Variants in DOCK7 observed in about 807,000 individuals in gnomAD.
DOCK7 encodes dedicator of cytokinesis 7.
Under a neutral mutation model 271.0 loss-of-function variants are expected in DOCK7, and 138 were observed. The ratio of observed to expected loss-of-function variants is 0.51; its 90% CI spans 0.44 to 0.59. The LOEUF is 0.59. DOCK7 is among the 20% of genes least tolerant of loss of function. The pLI, the probability that DOCK7 is intolerant of heterozygous loss-of-function variation, is 0.00. For synonymous variants in DOCK7, 823 were observed against 876.1 expected, an observed-to-expected ratio of 0.94 and a Z score of 1.07; for missense variants, 2,066 against 2,592.4, an observed-to-expected ratio of 0.80 and a Z score of 4.41.
chr1:62,579,391 T>TA (rs1369706543), intron 16 of DOCK7, among the ~76,000 whole-genome samples: 4 of 151,896 alleles, frequency 2.6e-5, no homozygotes, highest in Non-Finnish European at 5.9e-5. Context: ...CATCCTTTTG[T>TA]AAAAAAATGG....
chr1:62,616,841 T>TA (rs1004301868), intron 14 of DOCK7, among the ~76,000 whole-genome samples: 5 of 151,528 alleles, frequency 3.3e-5, no homozygotes, highest in African/African-American at 1.2e-4. Flanking sequence ...TAGCAATCAG[T>TA]ATAATATTGG....
At chr1:62,552,592 G>T in intron 22 of DOCK7, 140 bp downstream of exon 22, 1 of 790,664 alleles carries the variant, frequency 1.3e-6, no homozygotes, top group Non-Finnish European at 1.8e-6. Context: ...AGTGTTTACT[G>T]ATAGAACAGA....
chr1:62,492,190 A>G (rs1646486744), intron 41 of DOCK7: 1 of 152,572 alleles, frequency 6.6e-6, no homozygotes, highest in Non-Finnish European at 1.5e-5. Flanking sequence ...CACTGGGGGA[A>G]GTGACAGATT....
chr1:62,512,241 T>C (rs1035797972), intron 33 of DOCK7, among the ~76,000 whole-genome samples: 14 of 152,210 alleles, frequency 9.2e-5, no homozygotes, highest in African/African-American at 3.1e-4. Flanking sequence ...AAATAAATAT[T>C]GTGCTGTTGG....
intron 1 of DOCK7, chr1:62,687,619 C>A (rs889590690): frequency 4.6e-5 from 7 of 152,400 alleles, no homozygotes; most frequent in African/African-American, 1.7e-4. Flanking sequence ...ATTCTGTCCA[C>A]ACGTTTTCAA....
intron 2 of DOCK7, among the ~76,000 whole-genome samples, chr1:62,655,410 CT>C (rs1216369415): frequency 7.1e-6 from 1 of 140,936 alleles, no homozygotes; most frequent in African/African-American, 2.5e-5. Flanking sequence ...TTGGACTGAA[CT>C]TTTTTTTTCT....
At chr1:62,554,393 A>G (rs1571523351) in intron 21 of DOCK7, among the ~76,000 whole-genome samples, 1 of 140,632 alleles carries the variant, frequency 7.1e-6, no homozygotes. Context: ...AATGGCGTGA[A>G]CCCGGGAAGC....
intron 36 of DOCK7, among the ~76,000 whole-genome samples, chr1:62,505,307 T>G (rs1646907629): frequency 6.6e-6 from 1 of 152,080 alleles, no homozygotes; most frequent in South Asian, 2.1e-4. Context: ...ATAATTTCAG[T>G]GGGTTGAATT....
chr1:62,630,873 A>G (rs575002597), intron 11 of DOCK7, among the ~76,000 whole-genome samples: 1 of 152,258 alleles, frequency 6.6e-6, no homozygotes, highest in South Asian at 2.1e-4. Context: ...CAGAGTCTAC[A>G]AATGAAACAA....
chr1:62,496,902 G>A (rs1240630923), intron 37 of DOCK7, among the ~76,000 whole-genome samples: 1 of 152,098 alleles, frequency 6.6e-6, no homozygotes, highest in Non-Finnish European at 1.5e-5. Flanking sequence ...TATGATGAAA[G>A]TAATTTAACA....
At chr1:62,567,876 C>T (rs1160957248) in intron 18 of DOCK7, among the ~76,000 whole-genome samples, 1 of 151,538 alleles carries the variant, frequency 6.6e-6, no homozygotes, top group Non-Finnish European at 1.5e-5. Flanking sequence ...TTAAAAATAA[C>T]AGTTCTCTTC....
At chr1:62,681,543 A>C (rs1233596106) in intron 1 of DOCK7, among the ~76,000 whole-genome samples, 1 of 23,932 alleles carries the variant, frequency 4.2e-5, no homozygotes, top group Non-Finnish European at 1.3e-4. Flanking sequence ...ATAAAAAATA[A>C]AAAAAATAAA....
intron 1 of DOCK7, among the ~76,000 whole-genome samples, chr1:62,679,941 T>C (rs1571999942): frequency 6.6e-6 from 1 of 152,024 alleles, no homozygotes; most frequent in Non-Finnish European, 1.5e-5. Context: ...AGAATCAATA[T>C]CGTGAAAATG....
intron 49 of DOCK7, 24 bp from the exon 50 acceptor site, chr1:62,455,480 A>T: frequency 1.2e-6 from 2 of 1,608,456 alleles, no homozygotes; most frequent in Non-Finnish European, 1.7e-6. Context: ...GAGAGGACAT[A>T]GTTAGTTAAA....
intron 1 of DOCK7, among the ~76,000 whole-genome samples, chr1:62,679,953 C>T (rs1048706883): frequency 2.0e-4 from 30 of 152,234 alleles, no homozygotes; most frequent in East Asian, 9.6e-4. Context: ...GTGAAAATGG[C>T]CATACTGCCC....
At chr1:62,670,175 C>A (rs1168128) in intron 1 of DOCK7, among the ~76,000 whole-genome samples, 6 of 152,252 alleles carry the variant, frequency 3.9e-5, no homozygotes, top group South Asian at 2.1e-4. Context: ...CCTCTCACCC[C>A]CTCCGTGGGC....
At chr1:62,473,218 A>G (rs1374047804) in intron 48 of DOCK7, among the ~76,000 whole-genome samples, 2 of 152,148 alleles carry the variant, frequency 1.3e-5, no homozygotes, top group South Asian at 2.1e-4. Flanking sequence ...TACTTTATAG[A>G]TTAGAAAATG....
At chr1:62,510,416 TA>T (rs1644449344) in intron 34 of DOCK7, among the ~76,000 whole-genome samples, 160 bp downstream of exon 34, 1 of 152,316 alleles carries the variant, frequency 6.6e-6, no homozygotes, top group South Asian at 2.1e-4. Context: ...CAAATCTTTT[TA>T]AATCTAAAAT....
intron 14 of DOCK7, chr1:62,598,714 G>C (rs369750417): frequency 1.5e-5 from 24 of 1,608,698 alleles, no homozygotes; most frequent in Non-Finnish European, 2.0e-5. Context: ...AGAAAAACAA[G>C]ATAATAGCAT....
Sources: allele counts gnomAD v4.1 joint callset (sites outside exome capture counted in the v4.1 genomes callset), GRCh38; gene constraint gnomAD v4.1.1; transcripts MANE v1.5; gene names NCBI Gene and HGNC (gene_info 2026-07-23, HGNC 2026-07-21).